CAMK2D: variants seen among roughly 807,000 people sequenced by gnomAD.
CAMK2D encodes calcium/calmodulin-dependent protein kinase type II subunit delta.
CAMK2D carries 37 observed loss-of-function variants against 84.0 expected under a neutral mutation model. The ratio of observed to expected loss-of-function variants is 0.44; its 90% CI spans 0.34 to 0.58. CAMK2D has a LOEUF of 0.58. Among genes scored for constraint, CAMK2D ranks in the 20% least tolerant of loss-of-function variants. CAMK2D has a pLI of 0.02. For synonymous variants in CAMK2D, 202 were observed against 212.5 expected (o/e 0.95, Z 0.43); for missense variants, 448 against 652.5 (o/e 0.69, Z 3.41).
At chr4:113,522,303 G>A (rs1163108805) in intron 8 of CAMK2D, among the ~76,000 whole-genome samples, 3 of 152,106 alleles carry the variant, frequency 2.0e-5, no homozygotes, top group African/African-American at 7.2e-5. Flanking sequence ...AAATAAAGGG[G>A]TACATTATAA....
At chr4:113,563,026 A>C (rs1377830365) in intron 4 of CAMK2D, among the ~76,000 whole-genome samples, 1 of 152,122 alleles carries the variant, frequency 6.6e-6, no homozygotes, top group Non-Finnish European at 1.5e-5. Context: ...TGGGAGGCCA[A>C]GGCAGGTAGA....
chr4:113,566,064 C>T (rs1318390116), intron 4 of CAMK2D, among the ~76,000 whole-genome samples: 1 of 152,078 alleles, frequency 6.6e-6, no homozygotes, highest in Non-Finnish European at 1.5e-5. Flanking sequence ...ATATTATCTT[C>T]AGTTGCCACT....
At position 113,663,450 on chromosome 4, in the gene CAMK2D, G is replaced by A. The variant is rs138931852; in HGVS notation, c.161-1678C>T. On this transcript the variant is annotated intron_variant, in intron 2 of 20. Coordinates refer to ENST00000511664, the MANE Select transcript of CAMK2D (RefSeq NM_001321571.2). ...AAAAAAACACAAAAATTAGCCGGGT[G>A]TGGTGGTTGGTGCCTGTAATCCCAG... Among the ~76,000 whole-genome samples the A allele has an allele frequency of 2.3e-3, 354 of 152,146 alleles. 3 individuals are homozygous for A. The highest frequency in any genetic ancestry group is 7.4e-3 in the African/African-American group (307 of 41,522).
intron 2 of CAMK2D, among the ~76,000 whole-genome samples, chr4:113,716,965 T>C (rs2099515576): frequency 6.6e-6 from 1 of 152,196 alleles, no homozygotes; most frequent in African/African-American, 2.4e-5. Flanking sequence ...CTCTTTGTGT[T>C]CCAATTATTT....
intron 2 of CAMK2D, among the ~76,000 whole-genome samples, chr4:113,669,104 TA>T (rs1433842115): frequency 6.6e-6 from 1 of 152,186 alleles, no homozygotes; most frequent in African/African-American, 2.4e-5. Flanking sequence ...ATATGTTATT[TA>T]AAAATGCTTT....
chr4:113,595,439 CTTGTGT>C (rs1377002680), intron 4 of CAMK2D, among the ~76,000 whole-genome samples: 1 of 100,968 alleles, frequency 9.9e-6, no homozygotes, highest in Non-Finnish European at 2.1e-5. Context: ...ATTATGTATG[CTTGTGT>C]GTGTGTGTGT....
chr4:113,503,902 A>C (rs1411298673), intron 14 of CAMK2D, among the ~76,000 whole-genome samples: 1 of 152,170 alleles, frequency 6.6e-6, no homozygotes, highest in Non-Finnish European at 1.5e-5. Context: ...ACTGCAACCC[A>C]CTGGGAGTTC....
intron 8 of CAMK2D, among the ~76,000 whole-genome samples, chr4:113,524,474 T>C (rs1169540342): frequency 6.6e-6 from 1 of 152,220 alleles, no homozygotes; most frequent in African/African-American, 2.4e-5. Context: ...AGAATTTCCT[T>C]CTTTTTTAAG....
chr4:113,547,019 TTGA>T (rs1343078764), intron 6 of CAMK2D, among the ~76,000 whole-genome samples: 1 of 152,204 alleles, frequency 6.6e-6, no homozygotes, highest in African/African-American at 2.4e-5. Flanking sequence ...TAAATATTAT[TTGA>T]TGATTAAATT....
chr4:113,606,449 C>G (rs1260289402), intron 4 of CAMK2D, among the ~76,000 whole-genome samples: 2 of 150,958 alleles, frequency 1.3e-5, no homozygotes, highest in African/African-American at 4.9e-5. Flanking sequence ...AAGCCTGAAT[C>G]GCACCACTGC....
At chr4:113,577,351 T>C (rs141802867) in intron 4 of CAMK2D, among the ~76,000 whole-genome samples, 1 of 152,334 alleles carries the variant, frequency 6.6e-6, no homozygotes, top group Non-Finnish European at 1.5e-5. Context: ...GTTACATATG[T>C]TGTTCCATAT....
chr4:113,540,502 C>T (rs759078270), intron 6 of CAMK2D, among the ~76,000 whole-genome samples: 103 of 152,142 alleles, frequency 6.8e-4, no homozygotes, highest in Admixed American at 1.2e-3. Context: ...AGAAAGAATG[C>T]GAAGACCTGG....
At chr4:113,510,438 G>A (rs1052724059) in intron 12 of CAMK2D, among the ~76,000 whole-genome samples, 1 of 151,992 alleles carries the variant, frequency 6.6e-6, no homozygotes, top group Non-Finnish European at 1.5e-5. Flanking sequence ...AAAGCATATG[G>A]GTCTTATATG....
At chr4:113,629,825 C>A (rs1456971798) in intron 3 of CAMK2D, among the ~76,000 whole-genome samples, 1 of 150,236 alleles carries the variant, frequency 6.7e-6, no homozygotes, top group Non-Finnish European at 1.5e-5. Context: ...AAAACAAATT[C>A]TCCATTCTAT....
intron 8 of CAMK2D, among the ~76,000 whole-genome samples, chr4:113,528,037 G>A (rs1216921525): frequency 6.6e-6 from 1 of 152,058 alleles, no homozygotes; most frequent in Non-Finnish European, 1.5e-5. Context: ...TAAAACAAGG[G>A]AAAATAATTT....
At chr4:113,678,771 C>T (rs994746784) in intron 2 of CAMK2D, among the ~76,000 whole-genome samples, 1 of 152,082 alleles carries the variant, frequency 6.6e-6, no homozygotes, top group Non-Finnish European at 1.5e-5. Flanking sequence ...AAAGTAAATC[C>T]AGCCCACAGG....
intron 13 of CAMK2D, among the ~76,000 whole-genome samples, chr4:113,509,354 AG>A (rs754151630): frequency 4.6e-5 from 7 of 152,240 alleles, no homozygotes; most frequent in Admixed American, 2.6e-4. Flanking sequence ...GTAGTAAATC[AG>A]AGAGATTAAG....
intron 2 of CAMK2D, among the ~76,000 whole-genome samples, chr4:113,717,152 C>T (rs1012044934): frequency 2.0e-5 from 3 of 152,098 alleles, no homozygotes; most frequent in Admixed American, 6.6e-5. Flanking sequence ...CAGCAATTAT[C>T]ATCACAAATT....
intron 2 of CAMK2D, among the ~76,000 whole-genome samples, chr4:113,677,924 A>G (rs1169671343): frequency 6.6e-6 from 1 of 152,120 alleles, no homozygotes; most frequent in African/African-American, 2.4e-5. Context: ...GCATCTTGAT[A>G]AAGCTTCAGA....
Sources: gnomAD v4.1 joint callset for allele counts (sites outside exome capture counted in the v4.1 genomes callset) on GRCh38, gnomAD v4.1.1 for gene constraint, MANE v1.5 for transcripts, NCBI Gene and HGNC (gene_info 2026-07-23, HGNC 2026-07-21) for gene names.